Variants in CSPP1 observed in about 807,000 individuals in gnomAD.
CSPP1 encodes the protein centrosome and spindle pole-associated protein 1.
Under a neutral mutation model 164.4 loss-of-function variants are expected in CSPP1, and 126 were observed. That is an observed-to-expected ratio of 0.77 (90% CI 0.66 to 0.89). The LOEUF is 0.89. Ranked by LOEUF, CSPP1 falls within the 40% of genes least tolerant of loss-of-function variation. CSPP1 has a pLI of 0.00. For missense variants in CSPP1, 1,395 were observed against 1,449.8 expected (o/e 0.96, Z 0.61); for synonymous variants, 472 against 476.7 (o/e 0.99, Z 0.13).
At chr8:67,157,048 G>A (rs1177472954) in intron 19 of CSPP1, among the ~76,000 whole-genome samples, 1 of 152,102 alleles carries the variant, frequency 6.6e-6, no homozygotes, top group Non-Finnish European at 1.5e-5. Context: ...ATGGAAAAGT[G>A]ACCCCTGTGA....
At chr8:67,074,218 C>T (rs374983934) in intron 1 of CSPP1, 25 bp from the exon 2 acceptor site, 52 of 1,349,940 alleles carry the variant, frequency 3.9e-5, no homozygotes, top group African/African-American at 3.6e-4. Context: ...GATATAGATA[C>T]GCTCACTGAA....
In CSPP1 at chr8:67,064,516, G is replaced by A. The variant is rs1297194087; in HGVS notation, c.-33G>A. 7 of 1,612,560 alleles carry A rather than the reference G, an allele frequency of 4.3e-6. No homozygotes were observed. The East Asian group carries it at 8.9e-5, about 21-fold the overall frequency. ...CCCTGAGTAAGAGTCAGCCAGCCGCGGATGGGGAGCGTGAGTGGCGAGGTG... is the reference window on the plus strand; with the variant it reads ...CCCTGAGTAAGAGTCAGCCAGCCGCAGATGGGGAGCGTGAGTGGCGAGGTG... On this transcript the variant is annotated 5_prime_UTR_variant, in exon 1 of 31. Coordinates refer to ENST00000678616, the MANE Select transcript of CSPP1 (RefSeq NM_001382391.1).
chr8:67,130,784 T>TA (rs1199967103), intron 15 of CSPP1, among the ~76,000 whole-genome samples: 1 of 151,846 alleles, frequency 6.6e-6, no homozygotes, highest in Non-Finnish European at 1.5e-5. Context: ...GGCCAGGAGT[T>TA]AGAGACCAGC....
chr8:67,113,426 A>G (rs1174549107), intron 10 of CSPP1, among the ~76,000 whole-genome samples: 2 of 152,174 alleles, frequency 1.3e-5, no homozygotes, highest in African/African-American at 4.8e-5. Context: ...ATTAGGAAGT[A>G]TGGTAGATAT....
chr8:67,114,491 C>T (rs1421866092), intron 12 of CSPP1, 121 bp downstream of exon 12: 1 of 152,506 alleles, frequency 6.6e-6, no homozygotes. Flanking sequence ...CATTAAAAAG[C>T]TCATTCTTAA....
At chr8:67,087,398 A>C (rs1372551735) in intron 4 of CSPP1, among the ~76,000 whole-genome samples, 2 of 152,228 alleles carry the variant, frequency 1.3e-5, no homozygotes, top group African/African-American at 4.8e-5. Context: ...TATTATGAAG[A>C]TATATCAGGT....
In CSPP1 at chr8:67,195,503, C is replaced by G. The variant is rs771696486; in HGVS notation, c.3591C>G (p.Phe1197Leu). The change falls in exon 31 of 31, where the codon TTC (phenylalanine) becomes TTG (leucine). Residue 1197 changes from phenylalanine to leucine, a missense_variant. Coordinates refer to ENST00000678616, the MANE Select transcript of CSPP1 (RefSeq NM_001382391.1). ...GCACTTCAGAAACGCTGAAACGTTTCATGGCAGAGCAGCTGAACCAGGAGC... is the reference window on the plus strand; with the variant it reads ...GCACTTCAGAAACGCTGAAACGTTTGATGGCAGAGCAGCTGAACCAGGAGC... ...RPGTSETLKRFMAEQLNQEQQ... is the reference protein window; with the variant it reads ...RPGTSETLKRLMAEQLNQEQQ... 1.2e-6 allele frequency: 2 copies of G among 1,614,100 alleles called. No individual in the cohort carries two copies. The highest frequency in any genetic ancestry group is 4.5e-5 in the East Asian group (2 of 44,892).
In CSPP1 at chr8:67,195,920, T is replaced by TA. The variant is rs1194580032; in HGVS notation, c.*331dup. 4.7e-6 allele frequency: 1 copy of TA among 210,538 alleles called. No homozygotes were observed. Among genetic ancestry groups the TA allele is most frequent in the Non-Finnish European group, 9.6e-6 (1 of 103,830 alleles). The allele number at this position is 210,538 out of a possible 1,614,324, so 13.0% of individuals were successfully genotyped here. A position where few individuals can be genotyped will look rare whatever the true frequency, so the allele number is the denominator to read the frequency against. On this transcript the variant is annotated 3_prime_UTR_variant, in exon 31 of 31. Transcript: ENST00000678616. ...GTGAATAAGTGTCTTAAACGTCCTG[T>TA]AAAACCGGACTCCCCTTTGTTACAT...
intron 1 of CSPP1, among the ~76,000 whole-genome samples, chr8:67,066,667 T>C (rs1273356093): frequency 6.6e-6 from 1 of 152,180 alleles, no homozygotes; most frequent in African/African-American, 2.4e-5. Context: ...CCTAAACCCC[T>C]GTCAGCCTCT....
intron 1 of CSPP1, among the ~76,000 whole-genome samples, chr8:67,071,521 G>C (rs1806780257): frequency 6.6e-6 from 1 of 151,958 alleles, no homozygotes; most frequent in African/African-American, 2.4e-5. Context: ...CATAGTTAAT[G>C]TAGTTCATTT....
chr8:67,086,188 A>G (rs980685581), intron 4 of CSPP1, 78 bp downstream of exon 4: 3 of 793,048 alleles, frequency 3.8e-6, no homozygotes, highest in African/African-American at 3.4e-5. Flanking sequence ...GGTATTAGTC[A>G]TATGTGTTAA....
chr8:67,114,751 T>C (rs1199146185), intron 12 of CSPP1: 1 of 152,164 alleles, frequency 6.6e-6, no homozygotes, highest in East Asian at 1.9e-4. Flanking sequence ...TTTTAAGAGG[T>C]GAGCTTTTTA....
intron 9 of CSPP1, among the ~76,000 whole-genome samples, chr8:67,106,260 C>T (rs751860341): frequency 1.6e-4 from 24 of 150,926 alleles, no homozygotes; most frequent in Non-Finnish European, 2.9e-4. Context: ...ATGTGCTTTC[C>T]GTAGGTGATA....
intron 3 of CSPP1, among the ~76,000 whole-genome samples, chr8:67,085,734 AATT>A (rs1363506319): frequency 6.6e-6 from 1 of 152,140 alleles, no homozygotes; most frequent in Non-Finnish European, 1.5e-5. Flanking sequence ...TGCATTAAAA[AATT>A]ATCTGCATGG....
chr8:67,082,706 G>C (rs953573235), intron 3 of CSPP1, among the ~76,000 whole-genome samples: 6 of 152,150 alleles, frequency 3.9e-5, no homozygotes, highest in Non-Finnish European at 8.8e-5. Flanking sequence ...TTATGAAGAA[G>C]TTATATACTT....
At chr8:67,142,446 G>C (rs957637085) in intron 17 of CSPP1, among the ~76,000 whole-genome samples, 1 of 151,996 alleles carries the variant, frequency 6.6e-6, no homozygotes, top group East Asian at 1.9e-4. Context: ...TGACATTTGT[G>C]TTTTAGCATA....
intron 9 of CSPP1, among the ~76,000 whole-genome samples, chr8:67,108,423 A>C (rs1816104049): frequency 6.6e-6 from 1 of 151,724 alleles, no homozygotes; most frequent in African/African-American, 2.4e-5. Context: ...AAAAGAGTTA[A>C]GTCAAGTTGG....
At chr8:67,067,431 G>A (rs11995276) in intron 1 of CSPP1, among the ~76,000 whole-genome samples, 7,723 of 152,166 alleles carry the variant, frequency 0.051, 577 homozygotes, top group African/African-American at 0.17. Flanking sequence ...CATACTTTAC[G>A]TTTGCAGGCT....
chr8:67,189,129 A>G (rs1835489449), intron 28 of CSPP1, among the ~76,000 whole-genome samples: 1 of 152,228 alleles, frequency 6.6e-6, no homozygotes, highest in South Asian at 2.1e-4. Flanking sequence ...AATGCTGGCA[A>G]GGTTATGGAG....
Sources: gnomAD v4.1 joint callset for allele counts (sites outside exome capture counted in the v4.1 genomes callset) on GRCh38, gnomAD v4.1.1 for gene constraint, MANE v1.5 for transcripts, NCBI Gene and HGNC (gene_info 2026-07-23, HGNC 2026-07-21) for gene names.